SMIM13: variants seen among roughly 807,000 people sequenced by gnomAD.
The protein encoded by SMIM13 is UPF0766 protein C6orf228.
SMIM13 carries 3 observed loss-of-function variants against 5.9 expected under a neutral mutation model. That is an observed-to-expected ratio of 0.51 (90% confidence interval 0.23 to 1.31). The LOEUF (loss-of-function observed/expected upper bound fraction) is 1.31, where lower values mean the gene tolerates loss of function less well. Ranked by LOEUF, SMIM13 falls within the 40% of genes most tolerant of loss-of-function variation. The probability of loss-of-function intolerance (pLI) is 0.18; values close to 1 mark genes in which losing one functional copy is unlikely to be tolerated. For missense variants in SMIM13, 85 were observed against 109.9 expected (o/e 0.77, Z 1.01); for synonymous variants, 55 against 46.0 (o/e 1.19, Z -0.79).
intron 1 of SMIM13, chr6:11,103,007 G>A (rs929867495): frequency 6.6e-6 from 1 of 152,190 alleles, no homozygotes; most frequent in Non-Finnish European, 1.5e-5. Flanking sequence ...TTGTTCCGGG[G>A]TTTCCATTTC....
Position 11,093,843 on chromosome 6 carries a change from G to C in SMIM13, c.-471G>C, listed in dbSNP as rs975655101. ...GTAGGGGGCCTGGGGCGGAGAAGCC[G>C]CTACAGCCGCGGCCGGGCGACGCTG... On this transcript the variant is annotated 5_prime_UTR_variant, in exon 1 of 2. Coordinates refer to ENST00000416247, the MANE Select transcript of SMIM13 (RefSeq NM_001135575.2). Among the ~76,000 whole-genome samples, 1 of 152,236 alleles carries C rather than the reference G, an allele frequency of 6.6e-6. No homozygotes were observed. Among genetic ancestry groups the C allele is most frequent in the African/African-American group, 2.4e-5 (1 of 41,460 alleles).
intron 1 of SMIM13, among the ~76,000 whole-genome samples, chr6:11,132,671 C>T (rs1758465928): frequency 1.3e-5 from 2 of 152,114 alleles, no homozygotes; most frequent in South Asian, 4.1e-4. Context: ...AAACCAGACA[C>T]AGAGGCCACG....
At chr6:11,122,289 T>C (rs1203453483) in intron 1 of SMIM13, among the ~76,000 whole-genome samples, 1 of 152,216 alleles carries the variant, frequency 6.6e-6, no homozygotes, top group Non-Finnish European at 1.5e-5. Context: ...TTATGAAAGG[T>C]GCAGTGTGAT....
chr6:11,107,496 A>G (rs1184204554), intron 1 of SMIM13, among the ~76,000 whole-genome samples: 2 of 152,194 alleles, frequency 1.3e-5, no homozygotes, highest in Non-Finnish European at 2.9e-5. Flanking sequence ...GCCCAGACCA[A>G]TGGGGACTGT....
At position 11,134,756 on chromosome 6, in the gene SMIM13, A is replaced by G. The variant is rs1294490879; in HGVS notation, c.*154A>G. 3.7e-6 allele frequency: 2 copies of G among 537,972 alleles called. No individual in the cohort carries two copies. The highest frequency in any genetic ancestry group is 3.2e-5 in the East Asian group (1 of 31,000). 33.3% of individuals were successfully genotyped at this position (537,972 alleles called of 1,614,324 possible). ...TGTAAGCCATATAAAAATAAAGGGA[A>G]CTGAAACCAAATTGGACTATTATAA... On this transcript the variant is annotated 3_prime_UTR_variant, in exon 2 of 2. Coordinates refer to ENST00000416247, the MANE Select transcript of SMIM13 (RefSeq NM_001135575.2).
chr6:11,130,267 A>AAAAC lies in SMIM13; in HGVS notation c.77-4134_77-4133insACAA, dbSNP rs1554119989. 2.5e-3 allele frequency among the ~76,000 whole-genome samples: 360 copies of AAAAC among 145,738 alleles called. 2 individuals carry two copies. The highest frequency in any genetic ancestry group is 8.6e-3 in the African/African-American group (341 of 39,832). ...AGTAGTCATTGTAAAAAAAAAAAAA[A>AAAAC]AACAACAACAACAACAACAACTGGG... On this transcript the variant is annotated intron_variant, in intron 1 of 1. Transcript: ENST00000416247.
intron 1 of SMIM13, among the ~76,000 whole-genome samples, chr6:11,096,390 A>T (rs1757923620): frequency 6.6e-6 from 1 of 152,184 alleles, no homozygotes; most frequent in Non-Finnish European, 1.5e-5. Flanking sequence ...TGCAGGGAGG[A>T]GGGATCTGTG....
chr6:11,108,035 T>G (rs1758112775), intron 1 of SMIM13, among the ~76,000 whole-genome samples: 1 of 152,092 alleles, frequency 6.6e-6, no homozygotes, highest in African/African-American at 2.4e-5. Context: ...AGGCATAAGA[T>G]TGCATTTGAA....
At chr6:11,130,972 C>CT (rs1758444624) in intron 1 of SMIM13, among the ~76,000 whole-genome samples, 1 of 152,120 alleles carries the variant, frequency 6.6e-6, no homozygotes, top group African/African-American at 2.4e-5. Context: ...GAAATCAAAA[C>CT]TATCAGTTTT....
At chr6:11,133,914 A>G (rs1460656976) in intron 1 of SMIM13, among the ~76,000 whole-genome samples, 1 of 152,028 alleles carries the variant, frequency 6.6e-6, no homozygotes, top group Non-Finnish European at 1.5e-5. Context: ...AATTATTTCC[A>G]GAAACTTACG....
At chr6:11,114,234 C>T (rs561584731) in intron 1 of SMIM13, among the ~76,000 whole-genome samples, 2 of 152,196 alleles carry the variant, frequency 1.3e-5, no homozygotes, top group Admixed American at 1.3e-4. Context: ...CCTGCCTCGC[C>T]CTCCCAAAGT....
intron 1 of SMIM13, among the ~76,000 whole-genome samples, chr6:11,124,421 A>C (rs1581919666): frequency 1.3e-5 from 2 of 152,334 alleles, no homozygotes; most frequent in East Asian, 3.9e-4. Flanking sequence ...GTTGCTTCCA[A>C]ATCTTGACTA....
At chr6:11,118,592 G>A in intron 1 of SMIM13, among the ~76,000 whole-genome samples, 1 of 152,210 alleles carries the variant, frequency 6.6e-6, no homozygotes, top group East Asian at 1.9e-4. Context: ...CAGGATGAAA[G>A]TGAGCATGAG....
At chr6:11,104,152 C>G (rs1298763300) in intron 1 of SMIM13, 5 of 1,544,366 alleles carry the variant, frequency 3.2e-6, no homozygotes, top group Non-Finnish European at 4.4e-6. Context: ...TTGGCTATTT[C>G]CTTTGAGAGC....
At position 11,136,582 on chromosome 6, in the gene SMIM13, A is replaced by G. The variant is rs1311467217; in HGVS notation, c.*1980A>G. On this transcript the variant is annotated 3_prime_UTR_variant, in exon 2 of 2. Transcript: ENST00000416247. ...TGTTTGTGATGAACACCTTTTTGCT[A>G]TATTGTAGCTCTTGGAGATACTAAA... The G allele has an allele frequency of 6.6e-6, 1 of 152,064 alleles. No homozygotes were observed. Among genetic ancestry groups the G allele is most frequent in the Admixed American group, 6.6e-5 (1 of 15,240 alleles). The allele number at this position is 152,064 out of a possible 1,614,324, so 9.4% of individuals were successfully genotyped here. A position where few individuals can be genotyped will look rare whatever the true frequency, so the allele number is the denominator to read the frequency against.
intron 1 of SMIM13, among the ~76,000 whole-genome samples, chr6:11,131,553 G>C (rs1424109134): frequency 6.6e-6 from 1 of 152,064 alleles, no homozygotes; most frequent in East Asian, 1.9e-4. Context: ...AACCAACATG[G>C]TATGCAACTA....
intron 1 of SMIM13, among the ~76,000 whole-genome samples, chr6:11,116,234 T>G (rs10080950): frequency 0.22 from 32,727 of 151,680 alleles, 3,876 homozygotes; most frequent in African/African-American, 0.31. Context: ...GGCCAGGCTG[T>G]TCTCAAACTC....
chr6:11,127,863 A>G (rs1325628600), intron 1 of SMIM13, among the ~76,000 whole-genome samples: 1 of 152,048 alleles, frequency 6.6e-6, no homozygotes, highest in Non-Finnish European at 1.5e-5. Context: ...AAGCCATATC[A>G]CTCAGTTAGC....
At position 11,125,276 on chromosome 6, in the gene SMIM13, C is replaced by A. The variant is rs574717961; in HGVS notation, c.77-9127C>A. On this transcript the variant is annotated intron_variant, in intron 1 of 1. Coordinates refer to ENST00000416247, the MANE Select transcript of SMIM13 (RefSeq NM_001135575.2). ...CGCTACTGCACTCCAGTCTGGGCAACAGAGTGAGACTCCATCTTAAAAAAA... is the reference window on the plus strand; with the variant it reads ...CGCTACTGCACTCCAGTCTGGGCAAAAGAGTGAGACTCCATCTTAAAAAAA... 1.0e-4 allele frequency among the ~76,000 whole-genome samples: 11 copies of A among 110,136 alleles called. 1 individual carries two copies. In the East Asian group the frequency reaches 2.7e-3, roughly 27 times the overall value. The allele number at this position is 110,136 out of a possible 152,430, so 72.3% of individuals were successfully genotyped here. A position where few individuals can be genotyped will look rare whatever the true frequency, so the allele number is the denominator to read the frequency against.
Sources: allele counts gnomAD v4.1 joint callset (sites outside exome capture counted in the v4.1 genomes callset), GRCh38; gene constraint gnomAD v4.1.1; transcripts MANE v1.5; gene names NCBI Gene and HGNC (gene_info 2026-07-23, HGNC 2026-07-21).